Variants in COL19A1 observed in about 807,000 individuals in gnomAD.
COL19A1 encodes collagen alpha-1(XIX) chain.
A neutral mutation model predicts 190.2 loss-of-function variants in COL19A1; 159 were observed. That is an observed-to-expected ratio of 0.84 (90% CI 0.73 to 0.95). The LOEUF (loss-of-function observed/expected upper bound fraction) is 0.95, where lower values mean the gene tolerates loss of function less well. COL19A1 is among the 40% of genes least tolerant of loss of function. COL19A1 has a pLI of 0.00. For missense variants in COL19A1, 1,418 were observed against 1,431.9 expected (o/e 0.99, Z 0.16); for synonymous variants, 509 against 458.9 (o/e 1.11, Z -1.39).
chr6:69,897,840 C>A (rs1282442462), intron 2 of COL19A1, among the ~76,000 whole-genome samples: 5 of 152,112 alleles, frequency 3.3e-5, no homozygotes. Context: ...TATAATTTCA[C>A]TTACTTTACA....
intron 4 of COL19A1, among the ~76,000 whole-genome samples, chr6:69,921,931 G>C (rs1200818229): frequency 6.6e-6 from 1 of 151,862 alleles, no homozygotes; most frequent in Non-Finnish European, 1.5e-5. Flanking sequence ...CAATGGATAG[G>C]ATTTCTTATA....
chr6:70,131,381 C>T (rs1399239133), intron 18 of COL19A1, among the ~76,000 whole-genome samples: 15 of 152,168 alleles, frequency 9.9e-5, no homozygotes, highest in African/African-American at 3.6e-4. Context: ...GTACACCCAT[C>T]ACCAGAAGTT....
At chr6:69,907,735 T>G (rs1013826829) in intron 4 of COL19A1, among the ~76,000 whole-genome samples, 1 of 152,214 alleles carries the variant, frequency 6.6e-6, no homozygotes, top group African/African-American at 2.4e-5. Flanking sequence ...CCTAAAATGT[T>G]TCTGTTTTGC....
intron 18 of COL19A1, among the ~76,000 whole-genome samples, chr6:70,135,443 C>T (rs1392994526): frequency 6.6e-6 from 1 of 152,168 alleles, no homozygotes; most frequent in Admixed American, 6.5e-5. Context: ...TGCCAGCTAC[C>T]AGTCAACTCA....
intron 15 of COL19A1, among the ~76,000 whole-genome samples, chr6:70,098,935 T>C (rs2150184178): frequency 6.6e-6 from 1 of 151,036 alleles, no homozygotes; most frequent in African/African-American, 2.4e-5. Context: ...TTGCAGCCCC[T>C]AAGAAAGGTG....
intron 2 of COL19A1, among the ~76,000 whole-genome samples, chr6:69,880,494 G>A (rs1561958038): frequency 6.6e-6 from 1 of 152,042 alleles, no homozygotes; most frequent in Admixed American, 6.5e-5. Flanking sequence ...TGTGCCTATT[G>A]TTTTGAATAT....
Position 70,130,203 on chromosome 6 carries a change from G to A in COL19A1, c.1363G>A (p.Gly455Arg), listed in dbSNP as rs187031631. ...DNKGNDEHEA[G>R]GLKGDKGETG... ...CTAGGGAAATGATGAACATGAAGCT[G>A]GAGGCCTGAAAGGAGACAAGGTAAT... Residue 455 changes from glycine to arginine, a missense_variant, in exon 18 of 51, where the codon GGA becomes AGA. Coordinates refer to ENST00000620364, the MANE Select transcript of COL19A1 (RefSeq NM_001858.6). 52 of 1,611,724 alleles carry A rather than the reference G, an allele frequency of 3.2e-5. No homozygotes were observed. The East Asian group carries it at 8.5e-4, about 26-fold the overall frequency.
intron 9 of COL19A1, among the ~76,000 whole-genome samples, chr6:69,959,316 G>A (rs920631191): frequency 1.3e-5 from 2 of 151,988 alleles, no homozygotes; most frequent in East Asian, 1.9e-4. Context: ...TGATCTAATG[G>A]CAATCACCAG....
chr6:69,946,901 A>G (rs758410899), intron 9 of COL19A1, among the ~76,000 whole-genome samples: 78 of 151,778 alleles, frequency 5.1e-4, no homozygotes, highest in Non-Finnish European at 9.1e-4. Flanking sequence ...GCTGCCAGAA[A>G]CTCTCACTGT....
chr6:69,882,443 G>T (rs1340249213), intron 2 of COL19A1, among the ~76,000 whole-genome samples: 1 of 152,154 alleles, frequency 6.6e-6, no homozygotes, highest in Non-Finnish European at 1.5e-5. Context: ...TATATACAAT[G>T]CTAGAAAATC....
chr6:69,996,006 C>T (rs1776882625), intron 11 of COL19A1, among the ~76,000 whole-genome samples: 1 of 152,014 alleles, frequency 6.6e-6, no homozygotes, highest in Non-Finnish European at 1.5e-5. Context: ...TTGAGATCAG[C>T]TATTCAAAAA....
intron 15 of COL19A1, among the ~76,000 whole-genome samples, chr6:70,080,747 G>T (rs967225343): frequency 6.6e-6 from 1 of 152,076 alleles, no homozygotes; most frequent in Admixed American, 6.5e-5. Flanking sequence ...TAAAATTTCT[G>T]AAGCATGCTA....
chr6:70,173,644 A>G lies in COL19A1; in HGVS notation c.2622+1627A>G, dbSNP rs190032634. ...GATGACCTTGACCAGAGAAATTATT[A>G]TTTCACTATATGGTAGGAACAACCG... On this transcript the variant is annotated intron_variant, in intron 41 of 50. Coordinates refer to ENST00000620364, the MANE Select transcript of COL19A1 (RefSeq NM_001858.6). Among the ~76,000 whole-genome samples, 325 of 152,300 alleles carry G rather than the reference A, an allele frequency of 2.1e-3. 1 individual carries two copies. The highest frequency in any genetic ancestry group is 7.2e-3 in the African/African-American group (301 of 41,558).
intron 11 of COL19A1, among the ~76,000 whole-genome samples, chr6:69,999,611 T>G (rs986668747): frequency 5.3e-5 from 8 of 152,080 alleles, no homozygotes; most frequent in Non-Finnish European, 4.4e-5. Context: ...TAATTTGAAT[T>G]AAGAGGAAGG....
At chr6:69,918,648 A>G (rs561729999) in intron 4 of COL19A1, among the ~76,000 whole-genome samples, 13 of 152,226 alleles carry the variant, frequency 8.5e-5, no homozygotes, top group African/African-American at 2.9e-4. Context: ...TGAGGCTGCA[A>G]TGAACCATGA....
chr6:70,047,840 C>T (rs559997495), intron 14 of COL19A1, among the ~76,000 whole-genome samples: 20 of 152,216 alleles, frequency 1.3e-4, no homozygotes, highest in African/African-American at 4.8e-4. Context: ...AGTTGGCTAA[C>T]ATCTCTATCT....
intron 11 of COL19A1, among the ~76,000 whole-genome samples, chr6:69,982,813 A>G (rs969468114): frequency 6.6e-6 from 1 of 151,002 alleles, no homozygotes; most frequent in African/African-American, 2.4e-5. Flanking sequence ...TCTACTAAAA[A>G]TACAAAAAAT....
chr6:69,906,264 C>T (rs1335396344), intron 4 of COL19A1, among the ~76,000 whole-genome samples: 1 of 152,138 alleles, frequency 6.6e-6, no homozygotes, highest in Non-Finnish European at 1.5e-5. Flanking sequence ...GAGCAACACA[C>T]TCAGCTTGAC....
At chr6:70,134,490 C>G (rs1785716875) in intron 18 of COL19A1, among the ~76,000 whole-genome samples, 1 of 152,074 alleles carries the variant, frequency 6.6e-6, no homozygotes, top group African/African-American at 2.4e-5. Flanking sequence ...AAATTAAGAA[C>G]GTGAGTGAAT....
Sources: gnomAD v4.1 joint callset for allele counts (sites outside exome capture counted in the v4.1 genomes callset) on GRCh38, gnomAD v4.1.1 for gene constraint, MANE v1.5 for transcripts, NCBI Gene and HGNC (gene_info 2026-07-23, HGNC 2026-07-21) for gene names.